IL10RB: variants seen among roughly 807,000 people sequenced by gnomAD.
IL10RB encodes the protein interleukin-10 receptor subunit beta.
IL10RB carries 30 observed loss-of-function variants against 38.7 expected under a neutral mutation model. That is an observed-to-expected ratio of 0.78 (90% CI 0.58 to 1.05). The LOEUF is 1.05. Among genes scored for constraint, IL10RB ranks in the 50% least tolerant of loss-of-function variants. The pLI is 0.00. For missense variants in IL10RB, 328 were observed against 397.1 expected, an observed-to-expected ratio of 0.83 and a Z score of 1.48; for synonymous variants, 142 against 145.9, an observed-to-expected ratio of 0.97 and a Z score of 0.19.
chr21:33,294,369 T>TTGTG (rs777911309), intron 6 of IL10RB, among the ~76,000 whole-genome samples: 43 of 132,660 alleles, frequency 3.2e-4, no homozygotes, highest in Admixed American at 4.6e-4. Context: ...AGCCACCAGT[T>TTGTG]TGTGTGTGTG....
downstream of IL10RB, chr21:33,297,334 C>CAACAG (rs2082971862): frequency 6.6e-6 from 1 of 151,840 alleles, no homozygotes; most frequent in Admixed American, 6.6e-5. Flanking sequence ...CTGCTGTTGA[C>CAACAG]CAGGCACTGT....
chr21:33,295,021 T>C (rs1459192028), intron 6 of IL10RB, among the ~76,000 whole-genome samples: 1 of 152,228 alleles, frequency 6.6e-6, no homozygotes, highest in Non-Finnish European at 1.5e-5. Context: ...TGATAGAGCA[T>C]ATTGCAAGCC....
chr21:33,276,395 C>G (rs778947976), intron 2 of IL10RB, among the ~76,000 whole-genome samples: 5 of 152,118 alleles, frequency 3.3e-5, no homozygotes, highest in Non-Finnish European at 5.9e-5. Context: ...GTCAAGTATG[C>G]TGAATACTCA....
At chr21:33,281,238 G>C (rs1403606406) in intron 4 of IL10RB, among the ~76,000 whole-genome samples, 2 of 152,212 alleles carry the variant, frequency 1.3e-5, no homozygotes, top group Non-Finnish European at 2.9e-5. Flanking sequence ...TATGAATTCT[G>C]ATACTCACAA....
intron 6 of IL10RB, among the ~76,000 whole-genome samples, chr21:33,294,363 A>T (rs1331518754): frequency 7.0e-6 from 1 of 143,362 alleles, no homozygotes; most frequent in Non-Finnish European, 1.5e-5. Flanking sequence ...TGAGCCAGCC[A>T]CCAGTTTGTG....
In IL10RB at chr21:33,279,921, AAGGTTGG is replaced by A; in HGVS notation, c.498+4_498+10del. On this transcript the variant is annotated splice_donor_5th_base_variant and intron_variant, in intron 4 of 6. Transcript: ENST00000290200. Reference sequence around the variant, plus strand: ...GGAAAAACGGTACTGATGAAAAGGTAAGGTTGGCTAATTGCATTTCAGAGGTAGTAGG... The same window carrying A: ...GGAAAAACGGTACTGATGAAAAGGTACTAATTGCATTTCAGAGGTAGTAGG... 6.2e-7 allele frequency: 1 copy of A among 1,612,710 alleles called. No homozygotes were observed. The highest frequency in any genetic ancestry group is 8.5e-7 in the Non-Finnish European group (1 of 1,178,888).
chr21:33,287,065 G>C (rs1989387098), intron 5 of IL10RB, among the ~76,000 whole-genome samples: 1 of 152,060 alleles, frequency 6.6e-6, no homozygotes, highest in African/African-American at 2.4e-5. Flanking sequence ...ACTTCCTGAT[G>C]ATTTCAAAAG....
At chr21:33,270,556 A>G (rs1989058012) in intron 2 of IL10RB, among the ~76,000 whole-genome samples, 1 of 148,790 alleles carries the variant, frequency 6.7e-6, no homozygotes, top group South Asian at 2.1e-4. Context: ...AATTTTTTTT[A>G]GTAGAGACAC....
intron 1 of IL10RB, among the ~76,000 whole-genome samples, chr21:33,306,033 T>G (rs563641183): frequency 6.6e-6 from 1 of 152,120 alleles, no homozygotes; most frequent in Non-Finnish European, 1.5e-5. Context: ...TGTTTTACCA[T>G]GTGAGCCAGG....
chr21:33,286,592 G>A (rs1040093628), intron 5 of IL10RB, among the ~76,000 whole-genome samples: 1 of 152,082 alleles, frequency 6.6e-6, no homozygotes, highest in Non-Finnish European at 1.5e-5. Context: ...TTACTCAGAG[G>A]TGTTTTAAAG....
At position 33,296,614 on chromosome 21, in the gene IL10RB, T is replaced by A. The variant is rs1183286713; in HGVS notation, c.*257T>A. 1.1e-5 allele frequency: 7 copies of A among 620,082 alleles called. No individual in the cohort carries two copies. In the East Asian group the frequency reaches 2.4e-4, roughly 21 times the overall value. 38.4% of individuals were successfully genotyped at this position (620,082 alleles called of 1,614,324 possible). ...AGAAGTTGGCCACTGAGAGTGTAAT[T>A]TTCAGCCTTTTATATCACTAAAATA... On this transcript the variant is annotated 3_prime_UTR_variant, in exon 7 of 7. Transcript: ENST00000290200.
At chr21:33,295,249 T>C (rs539426492) in intron 6 of IL10RB, among the ~76,000 whole-genome samples, 1 of 150,606 alleles carries the variant, frequency 6.6e-6, no homozygotes, top group African/African-American at 2.4e-5. Flanking sequence ...TCCCAGCTAC[T>C]CGGGAGGCTG....
chr21:33,293,536 C>A (rs1179873033), intron 6 of IL10RB, among the ~76,000 whole-genome samples: 1 of 152,170 alleles, frequency 6.6e-6, no homozygotes, highest in Admixed American at 6.5e-5. Flanking sequence ...ACAGAGAGTG[C>A]CAGGCCGAGC....
intron 5 of IL10RB, among the ~76,000 whole-genome samples, chr21:33,287,567 A>G (rs969245215): frequency 5.3e-5 from 8 of 151,906 alleles, no homozygotes; most frequent in Admixed American, 4.6e-4. Context: ...GGGTCTCACT[A>G]TGTTGCCCAG....
At chr21:33,266,573 C>A in intron 1 of IL10RB, 59 bp downstream of exon 1, 1 of 1,498,794 alleles carries the variant, frequency 6.7e-7, no homozygotes. Flanking sequence ...CGAGATGCCG[C>A]CCCTGATCCC....
chr21:33,303,626 A>G (rs963743414), intron 1 of IL10RB, among the ~76,000 whole-genome samples: 3 of 152,120 alleles, frequency 2.0e-5, no homozygotes, highest in African/African-American at 7.2e-5. Flanking sequence ...AAGTGCTGGG[A>G]TTACAGGTGT....
At chr21:33,301,197 G>A (rs1205820395), downstream of IL10RB, among the ~76,000 whole-genome samples, 2 of 152,088 alleles carry the variant, frequency 1.3e-5, no homozygotes, top group African/African-American at 4.8e-5. Context: ...AAACAAACGG[G>A]AAGTAAAAAA....
intron 6 of IL10RB, among the ~76,000 whole-genome samples, chr21:33,291,436 TTG>T (rs1169030949): frequency 6.6e-6 from 1 of 152,098 alleles, no homozygotes; most frequent in African/African-American, 2.4e-5. Flanking sequence ...CGGCTAATTT[TTG>T]TGTTTTTAGT....
intron 6 of IL10RB, among the ~76,000 whole-genome samples, chr21:33,288,896 T>G (rs45450299): frequency 2.3e-4 from 35 of 152,186 alleles, no homozygotes; most frequent in Admixed American, 2.6e-4. Flanking sequence ...GGAACTATCT[T>G]TGGTCTCATT....
Sources: gnomAD v4.1 joint callset for allele counts (sites outside exome capture counted in the v4.1 genomes callset) on GRCh38, gnomAD v4.1.1 for gene constraint, MANE v1.5 for transcripts, NCBI Gene and HGNC (gene_info 2026-07-23, HGNC 2026-07-21) for gene names.